OPRM1: variants seen among roughly 807,000 people sequenced by gnomAD.
OPRM1 encodes the protein mu-type opioid receptor.
A neutral mutation model predicts 31.8 loss-of-function variants in OPRM1; 27 were observed. That is an observed-to-expected ratio of 0.85 (90% CI 0.63 to 1.17). OPRM1 has a LOEUF of 1.17. OPRM1 is among the 50% of genes most tolerant of loss of function. The pLI is 0.00. For synonymous variants in OPRM1, 196 were observed against 189.9 expected (o/e 1.03, Z -0.26); for missense variants, 536 against 511.1 (o/e 1.05, Z -0.47).
At chr6:154,062,265 G>C (rs1416946766) in intron 1 of OPRM1, among the ~76,000 whole-genome samples, 1 of 152,066 alleles carries the variant, frequency 6.6e-6, no homozygotes, top group East Asian at 1.9e-4. Context: ...TTGCATTAGA[G>C]AGCTTTTTTA....
intron 3 of OPRM1, among the ~76,000 whole-genome samples, chr6:154,245,411 T>C (rs1426800713): frequency 1.3e-5 from 2 of 152,140 alleles, no homozygotes; most frequent in Admixed American, 1.3e-4. Flanking sequence ...TTCCCAGCAC[T>C]GGAATTGGAT....
chr6:154,036,466 T>G (rs1779302917), upstream of OPRM1, among the ~76,000 whole-genome samples: 1 of 151,964 alleles, frequency 6.6e-6, no homozygotes, highest in Non-Finnish European at 1.5e-5. Context: ...AAAGTTCAAG[T>G]CCTGCTCTAG....
intron 3 of OPRM1, among the ~76,000 whole-genome samples, chr6:154,115,636 C>T (rs956088859): frequency 2.6e-5 from 4 of 152,162 alleles, no homozygotes; most frequent in Non-Finnish European, 4.4e-5. Context: ...GCCTCTGATT[C>T]CTCTTGGGAA....
rs555084677 is a variant in OPRM1, at chr6:154,050,897, C to A, written c.290+11063C>A. On this transcript the variant is annotated intron_variant, in intron 1 of 3. Transcript: ENST00000330432. Reference sequence around the variant, plus strand: ...GTAAATATATACACCTACTACATAGCCACAAAAAACAAATATTTTTAAGAT... The same window carrying A: ...GTAAATATATACACCTACTACATAGACACAAAAAACAAATATTTTTAAGAT... Among the ~76,000 whole-genome samples the A allele has an allele frequency of 1.6e-4, 25 of 151,834 alleles. 1 individual carries two copies. The highest frequency in any genetic ancestry group is 1.2e-3 in the Admixed American group (19 of 15,252).
chr6:154,053,709 G>A (rs1049375641), intron 1 of OPRM1, among the ~76,000 whole-genome samples: 4 of 152,074 alleles, frequency 2.6e-5, no homozygotes, highest in African/African-American at 9.7e-5. Flanking sequence ...CTAAATGACT[G>A]CCCTTTGATC....
intron 3 of OPRM1, among the ~76,000 whole-genome samples, chr6:154,189,697 G>A (rs181526947): frequency 7.2e-5 from 11 of 152,034 alleles, no homozygotes; most frequent in South Asian, 6.2e-4. Context: ...GGCCAGGCGC[G>A]GTGGCTGATG....
chr6:154,130,896 G>A lies in OPRM1; in HGVS notation c.*12175G>A, dbSNP rs1397329217. On this transcript the variant is annotated 3_prime_UTR_variant, in exon 4 of 4. Coordinates refer to ENST00000330432, the MANE Select transcript of OPRM1 (RefSeq NM_000914.5). ...TCCTGAACTTTTACATACTTAAATA[G>A]CCAGTTATGAAAATGTAAAACAATG... Among the ~76,000 whole-genome samples, 1 of 151,748 alleles carries A rather than the reference G, an allele frequency of 6.6e-6. No individual in the cohort carries two copies. Among genetic ancestry groups the A allele is most frequent in the Non-Finnish European group, 1.5e-5 (1 of 67,944 alleles).
chr6:154,181,816 C>T (rs1001185785), intron 3 of OPRM1, among the ~76,000 whole-genome samples: 3 of 152,166 alleles, frequency 2.0e-5, no homozygotes, highest in African/African-American at 7.2e-5. Flanking sequence ...TTCTTGGGGA[C>T]TTGAACTGGA....
intron 3 of OPRM1, chr6:154,219,031 T>A (rs886683683): frequency 6.6e-6 from 1 of 152,122 alleles, no homozygotes. Flanking sequence ...TATCTACCCA[T>A]GCAACTCTAC....
rs372186927 is a variant in OPRM1, at chr6:154,211,837, C to T, written c.1165-34856C>T. 5.3e-5 allele frequency among the ~76,000 whole-genome samples: 8 copies of T among 152,068 alleles called. No homozygotes were observed. In the South Asian group the frequency reaches 1.7e-3, roughly 31 times the overall value. On this transcript the variant is annotated intron_variant, in intron 3 of 3. Transcript: ENST00000337049. ...CTATAGCTGTAGAGCTGACAAAGGACTAACACATAGAATAATAAATTAAGA... is the reference window on the plus strand; with the variant it reads ...CTATAGCTGTAGAGCTGACAAAGGATTAACACATAGAATAATAAATTAAGA...
intron 3 of OPRM1, among the ~76,000 whole-genome samples, chr6:154,164,186 T>C (rs963093228): frequency 1.3e-5 from 2 of 152,326 alleles, no homozygotes; most frequent in African/African-American, 4.8e-5. Flanking sequence ...ATAAGATCTT[T>C]GAAAATTAAT....
downstream of OPRM1, among the ~76,000 whole-genome samples, chr6:154,135,055 G>A (rs140235328): frequency 1.1e-4 from 16 of 152,298 alleles, no homozygotes; most frequent in Non-Finnish European, 1.6e-4. Flanking sequence ...TCTATAGTCC[G>A]CATTCTAACA....
At chr6:154,224,345 C>CCATCT (rs1207308694) in intron 3 of OPRM1, among the ~76,000 whole-genome samples, 3 of 152,120 alleles carry the variant, frequency 2.0e-5, no homozygotes, top group Admixed American at 2.0e-4. Context: ...AACCCTATGC[C>CCATCT]CATCTTCTCT....
intron 1 of OPRM1, among the ~76,000 whole-genome samples, chr6:154,045,826 G>T (rs1781009166): frequency 6.6e-6 from 1 of 152,186 alleles, no homozygotes; most frequent in South Asian, 2.1e-4. Flanking sequence ...CCTTGACCAG[G>T]AAATGGAAGC....
At chr6:154,219,035 A>T (rs1426063117) in intron 3 of OPRM1, 1 of 152,188 alleles carries the variant, frequency 6.6e-6, no homozygotes, top group Admixed American at 6.5e-5. Context: ...TACCCATGCA[A>T]CTCTACTTAC....
chr6:154,216,453 T>C (rs1470504997), intron 3 of OPRM1, among the ~76,000 whole-genome samples: 2 of 98,038 alleles, frequency 2.0e-5, no homozygotes, highest in Admixed American at 3.4e-4. Context: ...ATACTCTTAA[T>C]TGAGAAGATC....
At chr6:154,188,356 C>T (rs1801567833) in intron 3 of OPRM1, among the ~76,000 whole-genome samples, 2 of 152,038 alleles carry the variant, frequency 1.3e-5, no homozygotes, top group Non-Finnish European at 2.9e-5. Context: ...GTAAGAAAGA[C>T]AAATAAATGG....
rs185663344 is a variant in OPRM1, at chr6:154,082,657, A to T, written c.291-7169A>T. Among the ~76,000 whole-genome samples, 7 of 152,342 alleles carry T rather than the reference A, an allele frequency of 4.6e-5. No individual in the cohort carries two copies. The East Asian group carries it at 1.3e-3, about 29-fold the overall frequency. On this transcript the variant is annotated intron_variant, in intron 1 of 3. Coordinates refer to ENST00000330432, the MANE Select transcript of OPRM1 (RefSeq NM_000914.5). ...TTTTCATTTATAAAATTCCCAGATC[A>T]TAAAATATAAGAAATGACCTTTCCC... is the stretch of plus-strand genomic sequence containing the variant.
At chr6:154,195,426 T>C (rs558888187) in intron 3 of OPRM1, among the ~76,000 whole-genome samples, 5 of 152,092 alleles carry the variant, frequency 3.3e-5, no homozygotes, top group South Asian at 2.1e-4. Context: ...GGATTACAGG[T>C]GTGAGCCACC....
Sources: gnomAD v4.1 joint callset for allele counts (sites outside exome capture counted in the v4.1 genomes callset) on GRCh38, gnomAD v4.1.1 for gene constraint, MANE v1.5 for transcripts, NCBI Gene and HGNC (gene_info 2026-07-23, HGNC 2026-07-21) for gene names.